BRI3BP: variants seen among roughly 807,000 people sequenced by gnomAD.
BRI3BP encodes the protein BRI3-binding protein.
A neutral mutation model predicts 15.8 loss-of-function variants in BRI3BP; 7 were observed. The observed-to-expected ratio is 0.44, with a 90% CI of 0.25 to 0.83. BRI3BP has a LOEUF of 0.83. BRI3BP is among the 40% of genes least tolerant of loss of function. The pLI, the probability that BRI3BP is intolerant of heterozygous loss-of-function variation, is 0.20. For synonymous variants in BRI3BP, 192 were observed against 163.5 expected (o/e 1.17, Z -1.33); for missense variants, 320 against 339.3 (o/e 0.94, Z 0.45).
downstream of BRI3BP, among the ~76,000 whole-genome samples, chr12:125,032,217 CTT>C: frequency 6.6e-6 from 1 of 152,168 alleles, no homozygotes; most frequent in South Asian, 2.1e-4. Context: ...AATCCCAGCA[CTT>C]TGGGAGGCCG....
chr12:124,998,060 G>A (rs561056135), intron 1 of BRI3BP, among the ~76,000 whole-genome samples: 3 of 151,578 alleles, frequency 2.0e-5, no homozygotes, highest in Admixed American at 6.6e-5. Flanking sequence ...GGAGGCGGCC[G>A]TTGCAGTGAG....
chr12:125,037,070 GT>G, the BRI3BP span, among the ~76,000 whole-genome samples: 68 of 152,294 alleles, frequency 4.5e-4, no homozygotes, highest in Non-Finnish European at 6.9e-4. Flanking sequence ...GCTTTGTTTT[GT>G]TTTTGGAGAC....
At chr12:125,016,612 G>A (rs1407484145) in intron 2 of BRI3BP, among the ~76,000 whole-genome samples, 2 of 151,800 alleles carry the variant, frequency 1.3e-5, no homozygotes, top group Non-Finnish European at 2.9e-5. Flanking sequence ...TGCAACCTCT[G>A]CCTCCTGGGT....
At chr12:125,033,638 T>G (rs1185005201), downstream of BRI3BP, among the ~76,000 whole-genome samples, 1 of 152,150 alleles carries the variant, frequency 6.6e-6, no homozygotes, top group African/African-American at 2.4e-5. Flanking sequence ...GGCGTCAACC[T>G]TGACAAAATA....
intron 2 of BRI3BP, among the ~76,000 whole-genome samples, chr12:125,016,808 G>A (rs1038925597): frequency 1.4e-5 from 2 of 140,376 alleles, no homozygotes; most frequent in African/African-American, 5.2e-5. Flanking sequence ...TTACGGGCAT[G>A]AGCCACTGCG....
chr12:125,022,794 G>A (rs1307570929), intron 2 of BRI3BP, among the ~76,000 whole-genome samples: 2 of 152,032 alleles, frequency 1.3e-5, no homozygotes, highest in Non-Finnish European at 2.9e-5. Context: ...CCCAAATGCT[G>A]GCATGAGCCA....
chr12:124,994,187 G>C (rs1955021023), intron 1 of BRI3BP, among the ~76,000 whole-genome samples, 184 bp downstream of exon 1: 1 of 151,756 alleles, frequency 6.6e-6, no homozygotes, highest in Non-Finnish European at 1.5e-5. Flanking sequence ...ACCAGTGCGG[G>C]TCTGGGCGGC....
the BRI3BP span, among the ~76,000 whole-genome samples, chr12:125,041,140 G>A: frequency 3.9e-5 from 6 of 152,186 alleles, no homozygotes; most frequent in African/African-American, 1.2e-4. Context: ...CTGCCTCTCG[G>A]GTTCATGCCA....
At chr12:125,041,417 G>C in the BRI3BP span, among the ~76,000 whole-genome samples, 1 of 152,038 alleles carries the variant, frequency 6.6e-6, no homozygotes, top group Non-Finnish European at 1.5e-5. Context: ...TTATAATTTG[G>C]TAATTATTTC....
At chr12:124,999,839 C>T (rs12821854) in intron 1 of BRI3BP, among the ~76,000 whole-genome samples, 33,946 of 57,222 alleles carry the variant, frequency 0.59, 12,164 homozygotes, top group African/African-American at 0.75. Context: ...CCAGGATGGT[C>T]TCGATTTCCT....
At chr12:125,045,752 C>T in the BRI3BP span, among the ~76,000 whole-genome samples, 1 of 152,186 alleles carries the variant, frequency 6.6e-6, no homozygotes, top group South Asian at 2.1e-4. Flanking sequence ...TACATTAGGA[C>T]AATAAATTAT....
chr12:125,036,764 G>A, the BRI3BP span, among the ~76,000 whole-genome samples: 1 of 152,136 alleles, frequency 6.6e-6, no homozygotes, highest in Admixed American at 6.6e-5. Flanking sequence ...GAGGTGATTA[G>A]TCTAGATGAG....
chr12:125,019,635 CTTTTTTTTTTT>C (rs1205730966), intron 2 of BRI3BP, among the ~76,000 whole-genome samples: 2 of 33,058 alleles, frequency 6.0e-5, no homozygotes, highest in African/African-American at 1.7e-4. Context: ...TAATTCCACC[CTTTTTTTTTTT>C]TTTTTTTTTT....
chr12:125,033,025 C>T (rs989786308), downstream of BRI3BP, among the ~76,000 whole-genome samples: 7 of 152,128 alleles, frequency 4.6e-5, no homozygotes, highest in Non-Finnish European at 8.8e-5. Flanking sequence ...CTGCCAATCC[C>T]GCTGCAGCCC....
chr12:125,013,773 T>C (rs1057485997), intron 2 of BRI3BP, among the ~76,000 whole-genome samples: 3 of 152,152 alleles, frequency 2.0e-5, no homozygotes, highest in Non-Finnish European at 2.9e-5. Flanking sequence ...AGTTTGATAG[T>C]GCAGTGCTAG....
At chr12:124,996,824 T>G (rs931771650) in intron 1 of BRI3BP, among the ~76,000 whole-genome samples, 1 of 149,866 alleles carries the variant, frequency 6.7e-6, no homozygotes, top group Non-Finnish European at 1.5e-5. Context: ...AGTGGTTCAG[T>G]CTTGGCTCAT....
intron 2 of BRI3BP, among the ~76,000 whole-genome samples, chr12:125,020,969 G>C (rs1955293860): frequency 6.6e-6 from 1 of 152,072 alleles, no homozygotes; most frequent in Admixed American, 6.5e-5. Context: ...AAATATATCA[G>C]TTAGGTAGAA....
At chr12:125,046,988 T>A in the BRI3BP span, among the ~76,000 whole-genome samples, 1 of 152,206 alleles carries the variant, frequency 6.6e-6, no homozygotes, top group Non-Finnish European at 1.5e-5. Context: ...CTGCAATGAT[T>A]AAAATCTTTA....
chr12:125,009,283 C>CTTTTTTTTTTTTTTT (rs1217778458), intron 1 of BRI3BP, among the ~76,000 whole-genome samples: 1 of 66,568 alleles, frequency 1.5e-5, no homozygotes, highest in Non-Finnish European at 2.8e-5. Flanking sequence ...ACCCAGCCAT[C>CTTTTTTTTTTTTTTT]TTTTTTTTTT....
Sources: gnomAD v4.1 joint callset for allele counts (sites outside exome capture counted in the v4.1 genomes callset) on GRCh38, gnomAD v4.1.1 for gene constraint, MANE v1.5 for transcripts, NCBI Gene and HGNC (gene_info 2026-07-23, HGNC 2026-07-21) for gene names.